The following PILRA variants were observed in gnomAD, a reference collection of about 807,000 sequenced individuals.
The protein encoded by PILRA is paired immunoglobin like type 2 receptor alpha.
Under a neutral mutation model 33.1 loss-of-function variants are expected in PILRA, and 37 were observed. The ratio of observed to expected loss-of-function variants is 1.12; its 90% CI spans 0.86 to 1.47. The LOEUF (loss-of-function observed/expected upper bound fraction) is 1.47. Among genes scored for constraint, PILRA ranks in the 40% most tolerant of loss-of-function variants. The pLI, the probability that PILRA is intolerant of heterozygous loss-of-function variation, is 0.00. For missense variants in PILRA, 312 were observed against 376.2 expected, an observed-to-expected ratio of 0.83 and a Z score of 1.41; for synonymous variants, 146 against 149.9, an observed-to-expected ratio of 0.97 and a Z score of 0.19.
intron 2 of PILRA, among the ~76,000 whole-genome samples, chr7:100,384,300 C>A (rs1171804529): frequency 6.7e-6 from 1 of 149,240 alleles, no homozygotes; most frequent in Non-Finnish European, 1.5e-5. Context: ...ACTAGACATA[C>A]AAATGGAGGT....
chr7:100,398,037 C>A, intron 4 of PILRA, 125 bp downstream of exon 4: 1 of 862,964 alleles, frequency 1.2e-6, no homozygotes, highest in South Asian at 1.5e-5. Context: ...ATTGTTGCAT[C>A]CCCAACTTAC....
At chr7:100,390,960 G>T (rs996966302) in intron 3 of PILRA, among the ~76,000 whole-genome samples, 47 of 152,086 alleles carry the variant, frequency 3.1e-4, no homozygotes, top group Admixed American at 1.2e-3. Context: ...GGTCAGTGCA[G>T]TGCAGGGGTG....
intron 3 of PILRA, among the ~76,000 whole-genome samples, chr7:100,390,383 G>C (rs867099199): frequency 3.3e-5 from 5 of 152,226 alleles, no homozygotes; most frequent in South Asian, 2.1e-4. Context: ...TCCCCTGAAG[G>C]TTCCTGGGGA....
chr7:100,399,444 T>C (rs1462345501), intron 5 of PILRA, 104 bp downstream of exon 5: 3 of 1,390,770 alleles, frequency 2.2e-6, no homozygotes, highest in Non-Finnish European at 3.1e-6. Flanking sequence ...TTTTCTTCTT[T>C]CCATTCCTTG....
chr7:100,399,445 C>G, intron 5 of PILRA, 105 bp downstream of exon 5: 1 of 1,381,068 alleles, frequency 7.2e-7, no homozygotes, highest in Non-Finnish European at 1.0e-6. Context: ...TTTCTTCTTT[C>G]CATTCCTTGC....
At chr7:100,390,555 G>C (rs1420490211) in intron 3 of PILRA, among the ~76,000 whole-genome samples, 2 of 152,188 alleles carry the variant, frequency 1.3e-5, no homozygotes, top group African/African-American at 4.8e-5. Flanking sequence ...CTGCTCTCAG[G>C]GAACTAGGGG....
At chr7:100,387,205 G>A (rs1190140928) in intron 2 of PILRA, among the ~76,000 whole-genome samples, 1 of 152,198 alleles carries the variant, frequency 6.6e-6, no homozygotes, top group Non-Finnish European at 1.5e-5. Flanking sequence ...GCATAAATGA[G>A]TTAAGGTATA....
intron 4 of PILRA, among the ~76,000 whole-genome samples, chr7:100,399,028 T>A (rs1394442134): frequency 6.6e-6 from 1 of 151,896 alleles, no homozygotes; most frequent in East Asian, 1.9e-4. Context: ...AGCCTTGAAC[T>A]CCTGGGCTCA....
intron 2 of PILRA, among the ~76,000 whole-genome samples, chr7:100,382,712 T>C (rs1791141362): frequency 6.6e-6 from 1 of 152,174 alleles, no homozygotes; most frequent in South Asian, 2.1e-4. Context: ...AAAGTTTCTT[T>C]TTTTTGCTTT....
chr7:100,373,813 G>T, intron 1 of PILRA, 93 bp downstream of exon 1: 1 of 1,520,232 alleles, frequency 6.6e-7, no homozygotes, highest in Non-Finnish European at 9.1e-7. Context: ...GGAGGGCCCA[G>T]GCTCCCACCA....
At chr7:100,381,535 G>A (rs567413039) in intron 2 of PILRA, among the ~76,000 whole-genome samples, 1 of 152,152 alleles carries the variant, frequency 6.6e-6, no homozygotes, top group Non-Finnish European at 1.5e-5. Flanking sequence ...ACTTTTGAGT[G>A]TGGGAATAAA....
chr7:100,381,444 C>CA (rs60123996), intron 2 of PILRA, among the ~76,000 whole-genome samples: 2,336 of 81,936 alleles, frequency 0.029, 45 homozygotes, highest in African/African-American at 0.054. Flanking sequence ...GATCCTGACT[C>CA]AAAAAAAAAA....
At chr7:100,383,738 G>C (rs950813903) in intron 2 of PILRA, among the ~76,000 whole-genome samples, 1 of 152,022 alleles carries the variant, frequency 6.6e-6, no homozygotes, top group African/African-American at 2.4e-5. Flanking sequence ...CTGGGTTCAA[G>C]GGATTCTCCT....
upstream of PILRA, among the ~76,000 whole-genome samples, chr7:100,372,826 G>C (rs923231606): frequency 6.6e-6 from 1 of 152,150 alleles, no homozygotes; most frequent in Non-Finnish European, 1.5e-5. Flanking sequence ...TGCAAGTCAC[G>C]TGGCCTGGGG....
intron 2 of PILRA, among the ~76,000 whole-genome samples, chr7:100,376,761 CTT>C (rs34944697): frequency 1.3e-5 from 1 of 75,034 alleles, no homozygotes; most frequent in Non-Finnish European, 2.5e-5. Flanking sequence ...CTTGCTCTGC[CTT>C]TTTTTTTTTT....
rs572585304 is a variant in PILRA, at chr7:100,383,576, G to A, written c.455-6312G>A. 1.4e-3 allele frequency among the ~76,000 whole-genome samples: 214 copies of A among 152,228 alleles called. 1 individual carries two copies. The highest frequency in any genetic ancestry group is 9.7e-4 in the East Asian group (5 of 5,174). Reference sequence around the variant, plus strand: ...AGGAAACAACTCACTTTTGCTCTGAGTGCCATGGGAGCGAAGGAGCGTTTC... The same window carrying A: ...AGGAAACAACTCACTTTTGCTCTGAATGCCATGGGAGCGAAGGAGCGTTTC... On this transcript the variant is annotated intron_variant, in intron 2 of 6. Transcript: ENST00000198536.
chr7:100,398,747 A>C (rs551408526), intron 4 of PILRA, among the ~76,000 whole-genome samples: 1 of 152,262 alleles, frequency 6.6e-6, no homozygotes, highest in Admixed American at 6.5e-5. Context: ...TCATACGAGC[A>C]ACTTCTCTAG....
At chr7:100,384,826 A>G (rs1791221442) in intron 2 of PILRA, among the ~76,000 whole-genome samples, 1 of 152,116 alleles carries the variant, frequency 6.6e-6, no homozygotes. Flanking sequence ...GAATGAGATC[A>G]TCTGGGAAGT....
At chr7:100,373,017 C>T (rs1025978991), upstream of PILRA, among the ~76,000 whole-genome samples, 1 of 152,070 alleles carries the variant, frequency 6.6e-6, no homozygotes, top group Admixed American at 6.5e-5. Flanking sequence ...CGAGAGAGGG[C>T]CTGGGGCAGG....
Sources: allele counts gnomAD v4.1 joint callset (sites outside exome capture counted in the v4.1 genomes callset), GRCh38; gene constraint gnomAD v4.1.1; transcripts MANE v1.5; gene names NCBI Gene and HGNC (gene_info 2026-07-23, HGNC 2026-07-21).